Variants in CDC42BPA observed in about 807,000 individuals in gnomAD.
The protein encoded by CDC42BPA is serine/threonine-protein kinase MRCK alpha.
Under a neutral mutation model 223.5 loss-of-function variants are expected in CDC42BPA, and 80 were observed. The ratio of observed to expected loss-of-function variants is 0.36; its 90% CI spans 0.30 to 0.43. CDC42BPA has a LOEUF of 0.43. CDC42BPA is among the 20% of genes least tolerant of loss of function. The pLI, the probability that CDC42BPA is intolerant of heterozygous loss-of-function variation, is 1.00. For missense variants in CDC42BPA, 1,743 were observed against 2,099.9 expected, an observed-to-expected ratio of 0.83 and a Z score of 3.32; for synonymous variants, 694 against 718.6, an observed-to-expected ratio of 0.97 and a Z score of 0.55.
chr1:227,084,595 A>AT (rs1034467340), intron 16 of CDC42BPA, among the ~76,000 whole-genome samples: 5 of 150,684 alleles, frequency 3.3e-5, no homozygotes, highest in South Asian at 2.1e-4. Flanking sequence ...TCAGAGCTAC[A>AT]TTTTTTTCTG....
At chr1:227,057,152 TC>T (rs1272266039) in intron 21 of CDC42BPA, among the ~76,000 whole-genome samples, 2 of 152,212 alleles carry the variant, frequency 1.3e-5, no homozygotes, top group African/African-American at 4.8e-5. Flanking sequence ...ATTCAGTGTT[TC>T]TCACTATTAA....
rs1048874389 is a variant in CDC42BPA, at chr1:226,990,230, CAAAT to C, written c.*4034_*4037del. 4 of 152,178 alleles carry C rather than the reference CAAAT, an allele frequency of 2.6e-5. No individual in the cohort carries two copies. Among genetic ancestry groups the C allele is most frequent in the Non-Finnish European group, 5.9e-5 (4 of 68,034 alleles). The allele number at this position is 152,178 out of a possible 1,614,324, so 9.4% of individuals were successfully genotyped here. ...TATAAAATGAATGATATTACACTATCAAATAAAAAGACAAGTCATTTTGTTTTCA... is the reference window on the plus strand; with the variant it reads ...TATAAAATGAATGATATTACACTATCAAAAAGACAAGTCATTTTGTTTTCA... On this transcript the variant is annotated 3_prime_UTR_variant, in exon 37 of 37. Transcript: ENST00000366766.
intron 14 of CDC42BPA, among the ~76,000 whole-genome samples, chr1:227,109,950 T>C (rs781478007): frequency 2.0e-5 from 3 of 152,160 alleles, no homozygotes; most frequent in Non-Finnish European, 2.9e-5. Flanking sequence ...AAGTAGGTTT[T>C]ACATTTGGAA....
At chr1:227,304,371 AC>A (rs903926755) in intron 1 of CDC42BPA, among the ~76,000 whole-genome samples, 3 of 151,780 alleles carry the variant, frequency 2.0e-5, no homozygotes, top group Non-Finnish European at 4.4e-5. Context: ...ACACCACTGC[AC>A]TCCAGCCTGG....
At chr1:227,088,873 G>A (rs754639931) in intron 16 of CDC42BPA, among the ~76,000 whole-genome samples, 7 of 152,112 alleles carry the variant, frequency 4.6e-5, no homozygotes, top group East Asian at 1.9e-4. Context: ...CTACAGGCAC[G>A]TGCCACCGCA....
chr1:227,040,569 ATAGT>A (rs1204089914), intron 23 of CDC42BPA, among the ~76,000 whole-genome samples: 4 of 152,310 alleles, frequency 2.6e-5, no homozygotes, highest in Admixed American at 6.5e-5. Context: ...TGTTCAGCAA[ATAGT>A]TAAGTAAAAT....
chr1:227,029,041 T>A lies in CDC42BPA; in HGVS notation c.4048A>T (p.Thr1350Ser). ...TSGKVRHGAL[T>S]CLCVAMKRQV... ...CTTTTCATAGCCACACACAGGCATG[T>A]GAGAGCTCCATGGCGCACCTTTCCA... The change falls in exon 30 of 37, where the codon ACA becomes TCA. Residue 1350 changes from threonine to serine, a missense_variant. Coordinates refer to ENST00000366766, the MANE Select transcript of CDC42BPA (RefSeq NM_001394014.1). 1 of 1,614,146 alleles carries A rather than the reference T, an allele frequency of 6.2e-7. No homozygotes were observed. Among genetic ancestry groups the A allele is most frequent in the Non-Finnish European group, 8.5e-7 (1 of 1,180,020 alleles).
At chr1:227,129,901 T>C (rs1261203063) in intron 10 of CDC42BPA, among the ~76,000 whole-genome samples, 2 of 152,032 alleles carry the variant, frequency 1.3e-5, no homozygotes, top group Non-Finnish European at 2.9e-5. Context: ...GAGTTAGGCA[T>C]GTTAATATAC....
At chr1:227,221,365 T>C (rs960455159) in intron 2 of CDC42BPA, among the ~76,000 whole-genome samples, 1 of 152,196 alleles carries the variant, frequency 6.6e-6, no homozygotes, top group Non-Finnish European at 1.5e-5. Context: ...CCCTTATTTG[T>C]AGTTGCCTAC....
chr1:227,060,030 GTT>G (rs66527313), intron 21 of CDC42BPA, among the ~76,000 whole-genome samples: 2 of 117,670 alleles, frequency 1.7e-5, no homozygotes, highest in Admixed American at 9.8e-5. Flanking sequence ...GTTTTTTTTT[GTT>G]TTTTTTTTTT....
At chr1:227,103,990 A>G (rs1353291895) in intron 14 of CDC42BPA, among the ~76,000 whole-genome samples, 4 of 152,174 alleles carry the variant, frequency 2.6e-5, no homozygotes, top group African/African-American at 9.6e-5. Flanking sequence ...AAATTAAGGG[A>G]TACATGATAA....
intron 3 of CDC42BPA, among the ~76,000 whole-genome samples, chr1:227,202,386 T>A (rs6426593): frequency 0.69 from 104,417 of 151,942 alleles, 36,062 homozygotes; most frequent in South Asian, 0.73. Flanking sequence ...CTGCTAACAT[T>A]TTAGAGAGTT....
At chr1:227,120,301 CTGA>C (rs1383716949) in intron 11 of CDC42BPA, among the ~76,000 whole-genome samples, 2 of 152,242 alleles carry the variant, frequency 1.3e-5, no homozygotes, top group Non-Finnish European at 2.9e-5. Context: ...CATCCTAGTG[CTGA>C]TGTTAGTCAA....
chr1:227,292,964 TC>T (rs896142496), intron 1 of CDC42BPA, among the ~76,000 whole-genome samples: 35 of 152,180 alleles, frequency 2.3e-4, no homozygotes, highest in Non-Finnish European at 4.1e-4. Context: ...TTTACTATAT[TC>T]CCCCCAAATC....
Position 227,258,176 on chromosome 1 carries a change from GA to G in CDC42BPA, c.179-4022del, listed in dbSNP as rs60156840. ...GGCAACAGGGTGAAACCCTGTCCGG[GA>G]AAAAAAAAAAAAAAAAAGAACTGAA... On this transcript the variant is annotated intron_variant, in intron 1 of 36. Transcript: ENST00000366766. Among the ~76,000 whole-genome samples, 179 of 108,076 alleles carry G rather than the reference GA, an allele frequency of 1.7e-3. 1 individual carries two copies. The highest frequency in any genetic ancestry group is 5.0e-3 in the Middle Eastern group (1 of 200). 70.9% of individuals were successfully genotyped at this position (108,076 alleles called of 152,430 possible). A position where few individuals can be genotyped will look rare whatever the true frequency, so the allele number is the denominator to read the frequency against.
chr1:227,231,648 T>C (rs1677985830), intron 2 of CDC42BPA, among the ~76,000 whole-genome samples: 1 of 108,920 alleles, frequency 9.2e-6, no homozygotes, highest in Admixed American at 8.9e-5. Context: ...GCACCTGTTG[T>C]TTCCTGATTT....
chr1:227,196,338 C>CTTTTTTTTTTTTTTTCTTTTTT (rs1553388920), intron 4 of CDC42BPA, among the ~76,000 whole-genome samples: 22 of 92,356 alleles, frequency 2.4e-4, no homozygotes, highest in African/African-American at 9.4e-4. Context: ...TTAAACAATA[C>CTTTTTTTTTTTTTTTCTTTTTT]TTTTTTTTTT....
chr1:227,175,247 T>C (rs1666753099), intron 5 of CDC42BPA, among the ~76,000 whole-genome samples: 1 of 152,150 alleles, frequency 6.6e-6, no homozygotes, highest in Non-Finnish European at 1.5e-5. Context: ...TCCTAAAATA[T>C]GACTTGACAA....
intron 14 of CDC42BPA, among the ~76,000 whole-genome samples, chr1:227,109,164 A>G (rs1201231529): frequency 6.6e-6 from 1 of 152,196 alleles, no homozygotes; most frequent in Admixed American, 6.6e-5. Flanking sequence ...GTGAGTGAAC[A>G]TGAAGGCCTA....
Sources: allele counts gnomAD v4.1 joint callset (sites outside exome capture counted in the v4.1 genomes callset), GRCh38; gene constraint gnomAD v4.1.1; transcripts MANE v1.5; gene names NCBI Gene and HGNC (gene_info 2026-07-23, HGNC 2026-07-21).